GPRC5A: variants seen among roughly 807,000 people sequenced by gnomAD.
GPRC5A encodes the protein retinoic acid-induced protein 3.
Under a neutral mutation model 22.5 loss-of-function variants are expected in GPRC5A, and 19 were observed. The observed-to-expected ratio is 0.85, with a 90% CI of 0.59 to 1.24. The LOEUF is 1.24. GPRC5A is among the 50% of genes most tolerant of loss of function. The probability of loss-of-function intolerance (pLI) is 0.00; values close to 1 mark genes in which losing one functional copy is unlikely to be tolerated. For missense variants in GPRC5A, 471 were observed against 451.1 expected (o/e 1.04, Z -0.40); for synonymous variants, 192 against 184.5 (o/e 1.04, Z -0.33).
At chr12:12,899,374 A>G (rs1033344230) in intron 1 of GPRC5A, among the ~76,000 whole-genome samples, 1 of 152,172 alleles carries the variant, frequency 6.6e-6, no homozygotes, top group East Asian at 1.9e-4. Context: ...CAGCAAGCCA[A>G]TGCTTGAATA....
In GPRC5A at chr12:12,909,124, G is replaced by A; in HGVS notation, c.875G>A (p.Ser292Asn). 2 of 1,600,024 alleles carry A rather than the reference G, an allele frequency of 1.2e-6. No individual in the cohort carries two copies. Among genetic ancestry groups the A allele is most frequent in the South Asian group, 1.1e-5 (1 of 91,026 alleles). ...AFCKPQLVKK[S>N]YGVENRAYSQ... is the part of the protein sequence containing the mutation. ...TGTAAACCTCAACTCGTGAAGAAGAGCTATGGTGTGGAGAACAGAGCCTAC... is the reference window on the plus strand; with the variant it reads ...TGTAAACCTCAACTCGTGAAGAAGAACTATGGTGTGGAGAACAGAGCCTAC... The change falls in exon 2 of 4, where the codon AGC (serine) becomes AAC (asparagine). Residue 292 changes from serine to asparagine, a missense_variant. Coordinates refer to ENST00000014914, the MANE Select transcript of GPRC5A (RefSeq NM_003979.4).
At chr12:12,896,788 T>G (rs755750661) in intron 1 of GPRC5A, among the ~76,000 whole-genome samples, 1 of 152,180 alleles carries the variant, frequency 6.6e-6, no homozygotes, top group Non-Finnish European at 1.5e-5. Context: ...TCCTAGGAGA[T>G]AGATGCCACA....
At position 12,909,165 on chromosome 12, in the gene GPRC5A, A is replaced by T. The variant is rs565578170; in HGVS notation, c.916A>T (p.Thr306Ser). The T allele has an allele frequency of 5.1e-6, 8 of 1,579,936 alleles. No individual in the cohort carries two copies. The highest frequency in any genetic ancestry group is 6.9e-6 in the Non-Finnish European group (8 of 1,167,202). The change falls in exon 2 of 4, where the codon ACT becomes TCT. Residue 306 changes from threonine (T) to serine (S), a missense_variant. Coordinates refer to ENST00000014914, the MANE Select transcript of GPRC5A (RefSeq NM_003979.4). ...CAGAGCCTACTCTCAAGAGGAAATC[A>T]CTCAAGGTACAGATGCAGCCTGGCT... ...ENRAYSQEEI[T>S]QGFEETGDTL...
chr12:12,906,751 T>C (rs1357664083), intron 1 of GPRC5A, among the ~76,000 whole-genome samples: 1 of 152,008 alleles, frequency 6.6e-6, no homozygotes, highest in East Asian at 1.9e-4. Flanking sequence ...AGTGGAGCCA[T>C]CTTTACACAT....
chr12:12,908,150 T>C lies in GPRC5A; in HGVS notation c.-7-93T>C, dbSNP rs1185308492. Reference sequence around the variant, plus strand: ...CAAAACCCTGGCTAAACATGCAAAATTGGTTTCCTAATCCTTTTTTAGTCT... The same window carrying C: ...CAAAACCCTGGCTAAACATGCAAAACTGGTTTCCTAATCCTTTTTTAGTCT... On this transcript the variant is annotated intron_variant, in intron 1 of 3. Transcript: ENST00000014914. 1.1e-5 allele frequency: 9 copies of C among 835,668 alleles called. No homozygotes were observed. In the East Asian group the frequency reaches 2.1e-4, roughly 19 times the overall value. The allele number at this position is 835,668 out of a possible 1,614,324, so 51.8% of individuals were successfully genotyped here. A position where few individuals can be genotyped will look rare whatever the true frequency, so the allele number is the denominator to read the frequency against.
chr12:12,903,357 T>G (rs1863909730), intron 1 of GPRC5A, among the ~76,000 whole-genome samples: 1 of 152,210 alleles, frequency 6.6e-6, no homozygotes. Context: ...CACAGCTCAC[T>G]GCAGCTTCGA....
At chr12:12,897,158 C>G (rs1284545369) in intron 1 of GPRC5A, among the ~76,000 whole-genome samples, 3 of 139,538 alleles carry the variant, frequency 2.1e-5, no homozygotes, top group Non-Finnish European at 4.5e-5. Flanking sequence ...ACCTGAGAGG[C>G]AGAGGCTGCA....
rs529006760 is a variant in GPRC5A, at chr12:12,908,926, C to T, written c.677C>T (p.Ala226Val). ...CTCCTCTCCATTGCCATCTGGGTGGCCTGGATCACCCTGCTCATGCTTCCT... is the reference window on the plus strand; with the variant it reads ...CTCCTCTCCATTGCCATCTGGGTGGTCTGGATCACCCTGCTCATGCTTCCT... ...TMLLSIAIWV[A>V]WITLLMLPDF... The change falls in exon 2 of 4, where the codon GCC (alanine) becomes GTC (valine). Residue 226 changes from alanine (A) to valine (V), a missense_variant. By Grantham distance (64) the Ala-to-Val change is moderately conservative (BLOSUM62 0). Coordinates refer to ENST00000014914, the MANE Select transcript of GPRC5A (RefSeq NM_003979.4). 2 of 1,613,794 alleles carry T rather than the reference C, an allele frequency of 1.2e-6. No homozygotes were observed. The highest frequency in any genetic ancestry group is 2.7e-5 in the African/African-American group (2 of 74,918).
chr12:12,903,499 C>G (rs968233952), intron 1 of GPRC5A, among the ~76,000 whole-genome samples: 1 of 152,150 alleles, frequency 6.6e-6, no homozygotes, highest in Non-Finnish European at 1.5e-5. Context: ...CTTGCCCAGA[C>G]TGCTCTTGAA....
intron 2 of GPRC5A, among the ~76,000 whole-genome samples, chr12:12,910,872 CTTTT>C (rs570784800): frequency 1.4e-5 from 2 of 139,434 alleles, no homozygotes; most frequent in Admixed American, 7.3e-5. Flanking sequence ...CCATCTCTCT[CTTTT>C]TTTTTTTTTT....
chr12:12,915,291 A>G lies in GPRC5A; in HGVS notation c.*2752A>G, dbSNP rs1451625077. The G allele has an allele frequency of 6.6e-6, 1 of 152,244 alleles. No homozygotes were observed. Among genetic ancestry groups the G allele is most frequent in the African/African-American group, 2.4e-5 (1 of 41,458 alleles). The allele number at this position is 152,244 out of a possible 1,614,324, so 9.4% of individuals were successfully genotyped here. ...TTGATATAAAAATGAAACAGGATCC[A>G]GGCATGGGTCTTTACACTGATAGTT... On this transcript the variant is annotated 3_prime_UTR_variant, in exon 4 of 4. Coordinates refer to ENST00000014914, the MANE Select transcript of GPRC5A (RefSeq NM_003979.4).
rs139366106 is a variant in GPRC5A at position 12,909,063 on chromosome 12, C to T, written c.814C>T (p.Arg272Ter). 32 of 1,609,004 alleles carry T rather than the reference C, an allele frequency of 2.0e-5. No homozygotes were observed. The highest frequency in any genetic ancestry group is 2.7e-5 in the African/African-American group (2 of 74,892). The change falls in exon 2 of 4, where the codon CGA (arginine) becomes TGA (stop). Residue 272 changes from arginine to a stop codon, truncating the protein, a stop_gained. Coordinates refer to ENST00000014914, the MANE Select transcript of GPRC5A (RefSeq NM_003979.4). LOFTEE classifies it high-confidence loss of function. ...SPEFWLLTKQ[R>*]NPMDYPVEDA... ...CGAGTTTTGGCTGCTCACAAAGCAA[C>T]GAAACCCCATGGATTATCCTGTTGA...
intron 1 of GPRC5A, among the ~76,000 whole-genome samples, chr12:12,894,568 C>A (rs904807939): frequency 6.6e-6 from 1 of 151,960 alleles, no homozygotes; most frequent in Non-Finnish European, 1.5e-5. Context: ...ACCACTACAC[C>A]TGGCTAATTT....
rs961381589 is a variant in GPRC5A at position 12,901,112 on chromosome 12, G to A, written c.-7-7131G>A. Among the ~76,000 whole-genome samples, 6 of 152,012 alleles carry A rather than the reference G, an allele frequency of 3.9e-5. No homozygotes were observed. The East Asian group carries it at 5.8e-4, about 15-fold the overall frequency. On this transcript the variant is annotated intron_variant, in intron 1 of 3. Transcript: ENST00000014914. Reference sequence around the variant, plus strand: ...AGCTGGAATAAGTGAAGAGGGTCTCGTCCTCATACTCAAAGTCCTTTGCTC... The same window carrying A: ...AGCTGGAATAAGTGAAGAGGGTCTCATCCTCATACTCAAAGTCCTTTGCTC...
At chr12:12,892,726 C>A (rs1863776217) in intron 1 of GPRC5A, among the ~76,000 whole-genome samples, 1 of 152,180 alleles carries the variant, frequency 6.6e-6, no homozygotes, top group South Asian at 2.1e-4. Context: ...TGCTCAGAAT[C>A]AAGGAATTTG....
chr12:12,905,522 C>T (rs1374374676), intron 1 of GPRC5A, among the ~76,000 whole-genome samples: 1 of 152,182 alleles, frequency 6.6e-6, no homozygotes, highest in African/African-American at 2.4e-5. Flanking sequence ...GTAGAAGACA[C>T]TTAAATAAGC....
chr12:12,895,145 A>G (rs1388361699), intron 1 of GPRC5A, among the ~76,000 whole-genome samples: 5 of 152,158 alleles, frequency 3.3e-5, no homozygotes, highest in African/African-American at 2.4e-5. Context: ...GGTCAATATA[A>G]TATCTTTTTG....
intron 1 of GPRC5A, among the ~76,000 whole-genome samples, chr12:12,907,139 C>G (rs1162840075): frequency 1.3e-5 from 2 of 151,828 alleles, no homozygotes; most frequent in Non-Finnish European, 2.9e-5. Flanking sequence ...GAAGAGGACC[C>G]AGCCGCTGGC....
chr12:12,909,155 A>G lies in GPRC5A; in HGVS notation c.906A>G (p.Gln302=), dbSNP rs765478094. The change falls in exon 2 of 4, where the codon CAA becomes CAG. Residue 302 remains glutamine, a synonymous_variant. Transcript: ENST00000014914. The part of the protein sequence containing the change: ...SYGVENRAYS[Q]EEITQGFEET... ...GTGTGGAGAACAGAGCCTACTCTCA[A>G]GAGGAAATCACTCAAGGTACAGATG... 1 of 1,588,928 alleles carries G rather than the reference A, an allele frequency of 6.3e-7. No individual in the cohort carries two copies. Among genetic ancestry groups the G allele is most frequent in the South Asian group, 1.1e-5 (1 of 89,974 alleles).
Sources: allele counts gnomAD v4.1 joint callset (sites outside exome capture counted in the v4.1 genomes callset), GRCh38; gene constraint gnomAD v4.1.1; transcripts MANE v1.5; gene names NCBI Gene and HGNC (gene_info 2026-07-23, HGNC 2026-07-21).